Variants in MAP3K13 observed in about 807,000 individuals in gnomAD.
MAP3K13 encodes leucine zipper-bearing kinase.
Under a neutral mutation model 104.0 loss-of-function variants are expected in MAP3K13, and 52 were observed. The ratio of observed to expected loss-of-function variants is 0.50; its 90% CI spans 0.40 to 0.63. The LOEUF (loss-of-function observed/expected upper bound fraction) is 0.63, where lower values mean the gene tolerates loss of function less well. Among genes scored for constraint, MAP3K13 ranks in the 20% least tolerant of loss-of-function variants. MAP3K13 has a pLI of 0.00. For missense variants in MAP3K13, 914 were observed against 1,218.5 expected, an observed-to-expected ratio of 0.75 and a Z score of 3.72; for synonymous variants, 394 against 442.2, an observed-to-expected ratio of 0.89 and a Z score of 1.37.
intron 13 of MAP3K13, 113 bp downstream of exon 13, chr3:185,480,642 GTAT>G: frequency 1.8e-6 from 2 of 1,101,496 alleles, no homozygotes; most frequent in African/African-American, 3.2e-5. Flanking sequence ...CAGTGGCCTT[GTAT>G]TAGTCTGTTT....
chr3:185,403,742 T>G (rs1438946930), intron 1 of MAP3K13, among the ~76,000 whole-genome samples: 1 of 152,218 alleles, frequency 6.6e-6, no homozygotes, highest in African/African-American at 2.4e-5. Flanking sequence ...CCAACTTATA[T>G]ATACAGATAA....
At chr3:185,355,508 C>T (rs1240103726) in intron 2 of MAP3K13, among the ~76,000 whole-genome samples, 1 of 151,342 alleles carries the variant, frequency 6.6e-6, no homozygotes, top group Non-Finnish European at 1.5e-5. Context: ...GTGGCGTACA[C>T]CTGAAATCCC....
At chr3:185,326,054 G>C (rs1031448805) in intron 2 of MAP3K13, among the ~76,000 whole-genome samples, 1 of 152,034 alleles carries the variant, frequency 6.6e-6, no homozygotes, top group Non-Finnish European at 1.5e-5. Flanking sequence ...CCTTCTCAGT[G>C]AGTCCTGAAT....
At chr3:185,429,312 C>T (rs1321755175) in intron 2 of MAP3K13, among the ~76,000 whole-genome samples, 1 of 152,096 alleles carries the variant, frequency 6.6e-6, no homozygotes, top group Non-Finnish European at 1.5e-5. Flanking sequence ...ATAAAACAAT[C>T]CATGGGATTA....
At position 185,418,137 on chromosome 3, in the gene MAP3K13, A is replaced by G. The variant is rs1237258566; in HGVS notation, c.-85-10360A>G. 5.0e-6 allele frequency: 8 copies of G among 1,608,524 alleles called. No homozygotes were observed. The African/African-American group carries it at 5.3e-5, about 11-fold the overall frequency. On this transcript the variant is annotated intron_variant, in intron 1 of 13. Transcript: ENST00000265026. This position sits in a 1 kb window ranked among gnomAD's most constrained non-coding sequence, Gnocchi z 4.5. Reference sequence around the variant, plus strand: ...TTCTGAAGGCCTTGATGATACCATTATCCTCATTATAGATGATGCACAGGC... The same window carrying G: ...TTCTGAAGGCCTTGATGATACCATTGTCCTCATTATAGATGATGCACAGGC...
intron 1 of MAP3K13, among the ~76,000 whole-genome samples, chr3:185,403,968 G>A (rs1232155775): frequency 6.6e-6 from 1 of 152,098 alleles, no homozygotes; most frequent in Non-Finnish European, 1.5e-5. Context: ...TGAAGAATAG[G>A]ACTAAAATAT....
At chr3:185,337,401 A>G (rs1174844716) in intron 2 of MAP3K13, among the ~76,000 whole-genome samples, 4 of 152,282 alleles carry the variant, frequency 2.6e-5, no homozygotes, top group Non-Finnish European at 5.9e-5. Context: ...CTAATTTTCA[A>G]TAAAGGCAAC....
intron 1 of MAP3K13, among the ~76,000 whole-genome samples, chr3:185,393,292 C>A (rs1338057570): frequency 6.6e-6 from 1 of 152,090 alleles, no homozygotes; most frequent in African/African-American, 2.4e-5. Context: ...AGCATATACG[C>A]AATCAGGAAT....
chr3:185,367,462 G>A (rs951846648), intron 1 of MAP3K13, among the ~76,000 whole-genome samples: 12 of 152,110 alleles, frequency 7.9e-5, no homozygotes, highest in Admixed American at 3.3e-4. Context: ...AGGGAAGAAA[G>A]GAAAATTAAG....
chr3:185,444,440 G>A (rs1010988502), intron 4 of MAP3K13, among the ~76,000 whole-genome samples: 8 of 152,148 alleles, frequency 5.3e-5, no homozygotes, highest in African/African-American at 9.7e-5. Flanking sequence ...ATTATATGCC[G>A]TAAGATTCTG....
intron 7 of MAP3K13, among the ~76,000 whole-genome samples, chr3:185,455,513 G>T (rs375140297): frequency 1.4e-3 from 5 of 3,614 alleles, no homozygotes; most frequent in Non-Finnish European, 3.5e-3. Flanking sequence ...ATATATATGA[G>T]ATATATATGA....
At chr3:185,348,871 C>T (rs953702744) in intron 2 of MAP3K13, among the ~76,000 whole-genome samples, 3 of 152,104 alleles carry the variant, frequency 2.0e-5, no homozygotes, top group Non-Finnish European at 4.4e-5. Context: ...GAGCTGAGAT[C>T]GCGGCACTGC....
intron 8 of MAP3K13, 39 bp downstream of exon 8, chr3:185,463,698 A>G: frequency 8.1e-7 from 1 of 1,235,114 alleles, no homozygotes; most frequent in Non-Finnish European, 1.2e-6. Flanking sequence ...CTTCATCCCC[A>G]GGTCTTCAGA....
intron 1 of MAP3K13, among the ~76,000 whole-genome samples, chr3:185,409,319 G>A (rs1386170966): frequency 6.6e-6 from 1 of 152,096 alleles, no homozygotes; most frequent in African/African-American, 2.4e-5. Flanking sequence ...AGTGAACTGA[G>A]GTCACACCAC....
rs1718638269 is a variant in MAP3K13 at position 185,484,673 on chromosome 3, T to A, written c.*2217T>A. ...AGCTCTTAGGATGAAGGAAAATGTTTAATTTATACAAAGAGCAGTATTGTT... is the reference window on the plus strand; with the variant it reads ...AGCTCTTAGGATGAAGGAAAATGTTAAATTTATACAAAGAGCAGTATTGTT... On this transcript the variant is annotated 3_prime_UTR_variant, in exon 14 of 14. Coordinates refer to ENST00000265026, the MANE Select transcript of MAP3K13 (RefSeq NM_004721.5). 1 of 152,256 alleles carries A rather than the reference T, an allele frequency of 6.6e-6. No individual in the cohort carries two copies. Among genetic ancestry groups the A allele is most frequent in the Non-Finnish European group, 1.5e-5 (1 of 68,044 alleles). 9.4% of individuals were successfully genotyped at this position (152,256 alleles called of 1,614,324 possible).
chr3:185,442,810 A>G (rs1715398623), intron 3 of MAP3K13, among the ~76,000 whole-genome samples: 1 of 151,428 alleles, frequency 6.6e-6, no homozygotes, highest in African/African-American at 2.4e-5. Context: ...TGGGATTACA[A>G]GCGTGAGCCA....
intron 2 of MAP3K13, among the ~76,000 whole-genome samples, chr3:185,307,560 C>T (rs1432031049): frequency 6.9e-6 from 1 of 145,250 alleles, no homozygotes; most frequent in East Asian, 2.1e-4. Context: ...CCCGCCACCC[C>T]GAGATGCAGT....
At chr3:185,374,450 A>G (rs933878370) in intron 1 of MAP3K13, among the ~76,000 whole-genome samples, 2 of 152,144 alleles carry the variant, frequency 1.3e-5, no homozygotes, top group African/African-American at 2.4e-5. Flanking sequence ...GGTTGTTAGA[A>G]GAAACATTTG....
At chr3:185,475,126 C>T (rs78878396) in intron 11 of MAP3K13, among the ~76,000 whole-genome samples, 1 of 151,104 alleles carries the variant, frequency 6.6e-6, no homozygotes, top group Non-Finnish European at 1.5e-5. Flanking sequence ...CACGCTCTTC[C>T]ATTTAGTACC....
Sources: gnomAD v4.1 joint callset for allele counts (sites outside exome capture counted in the v4.1 genomes callset) on GRCh38, gnomAD v4.1.1 for gene constraint, Gnocchi (gnomAD v3.1) non-coding constraint, MANE v1.5 for transcripts, NCBI Gene and HGNC (gene_info 2026-07-23, HGNC 2026-07-21) for gene names.